Variants in SLC25A13 observed in about 807,000 individuals in gnomAD.
SLC25A13 encodes the protein electrogenic aspartate/glutamate antiporter SLC25A13, mitochondrial.
SLC25A13 carries 70 observed loss-of-function variants against 85.5 expected under a neutral mutation model. That is an observed-to-expected ratio of 0.82 (90% confidence interval 0.68 to 1.00). SLC25A13 has a LOEUF of 1.00. Among genes scored for constraint, SLC25A13 ranks in the 50% least tolerant of loss-of-function variants. The probability of loss-of-function intolerance (pLI) is 0.00; values close to 1 mark genes in which losing one functional copy is unlikely to be tolerated. For missense variants in SLC25A13, 765 were observed against 819.8 expected (o/e 0.93, Z 0.82); for synonymous variants, 259 against 288.7 (o/e 0.90, Z 1.04).
intron 4 of SLC25A13, among the ~76,000 whole-genome samples, chr7:96,231,584 C>T (rs749169355): frequency 3.3e-5 from 5 of 152,012 alleles, no homozygotes; most frequent in East Asian, 3.9e-4. Flanking sequence ...ATTAGCCAGA[C>T]GTGGTGGTGC....
intron 3 of SLC25A13, among the ~76,000 whole-genome samples, chr7:96,244,737 A>AAAT (rs1488210789): frequency 6.6e-6 from 1 of 152,066 alleles, no homozygotes; most frequent in Non-Finnish European, 1.5e-5. Flanking sequence ...TCTACTATGT[A>AAAT]CTCTGGTTCA....
In SLC25A13 at chr7:96,227,174, T is replaced by C. The variant is rs577813406; in HGVS notation, c.328+7628A>G. Among the ~76,000 whole-genome samples, 628 of 152,346 alleles carry C rather than the reference T, an allele frequency of 4.1e-3. 7 individuals carry two copies. The highest frequency in any genetic ancestry group is 0.014 in the African/African-American group (590 of 41,596). On this transcript the variant is annotated intron_variant, in intron 4 of 17. Coordinates refer to ENST00000265631, the MANE Select transcript of SLC25A13 (RefSeq NM_014251.3). ...TTGGCAGTAGTCCTATCTGCAAAATTGTACACATGCACCAGCATCTTTAGA... is the reference window on the plus strand; with the variant it reads ...TTGGCAGTAGTCCTATCTGCAAAATCGTACACATGCACCAGCATCTTTAGA...
At position 96,126,658 on chromosome 7, in the gene SLC25A13, T is replaced by G. The variant is rs148582155; in HGVS notation, c.1592-4661A>C. On this transcript the variant is annotated intron_variant, in intron 15 of 17. Transcript: ENST00000265631. ...TTAGAGGTAGTTTCTCCTGCTGTGTTTTGGACTGGGGCATCTCTCAGTCCA... is the reference window on the plus strand; with the variant it reads ...TTAGAGGTAGTTTCTCCTGCTGTGTGTTGGACTGGGGCATCTCTCAGTCCA... Among the ~76,000 whole-genome samples the G allele has an allele frequency of 8.2e-4, 125 of 152,350 alleles. 3 individuals carry two copies. The South Asian group carries it at 0.013, about 16-fold the overall frequency.
intron 9 of SLC25A13, 38 bp from the exon 10 acceptor site, chr7:96,185,049 A>C (rs1397707930): frequency 1.3e-6 from 2 of 1,548,270 alleles, no homozygotes; most frequent in Non-Finnish European, 1.8e-6. Flanking sequence ...GCAGGAAAAC[A>C]GGTGACAGAA....
rs1006007445 is a variant in SLC25A13 at position 96,236,603 on chromosome 7, T to G, written c.213-1686A>C. Among the ~76,000 whole-genome samples, 13 of 152,224 alleles carry G rather than the reference T, an allele frequency of 8.5e-5. 1 individual carries two copies. Among genetic ancestry groups the G allele is most frequent in the Non-Finnish European group, 1.5e-5 (1 of 68,030 alleles). ...ATTATCTACTTCAACCTCCTCATTT[T>G]ACTTGTGAGGAAACGGAAACTGGAA... On this transcript the variant is annotated intron_variant, in intron 3 of 17. Transcript: ENST00000265631.
intron 1 of SLC25A13, among the ~76,000 whole-genome samples, chr7:96,317,983 A>G (rs1036012605): frequency 3.3e-5 from 5 of 151,870 alleles, no homozygotes; most frequent in South Asian, 2.1e-4. Context: ...TCATTTTAGT[A>G]TTCTCAATTT....
At chr7:96,169,978 T>G in intron 13 of SLC25A13, 67 bp downstream of exon 13, 1 of 1,477,094 alleles carries the variant, frequency 6.8e-7, no homozygotes, top group Non-Finnish European at 9.5e-7. Flanking sequence ...CCACACCTGT[T>G]GACCATGGTA....
chr7:96,288,656 G>A (rs998917347), intron 2 of SLC25A13, among the ~76,000 whole-genome samples: 5 of 152,198 alleles, frequency 3.3e-5, no homozygotes, highest in South Asian at 2.1e-4. Context: ...CCACGCCCAC[G>A]GAGCCTCGCT....
intron 3 of SLC25A13, among the ~76,000 whole-genome samples, chr7:96,238,269 C>T (rs893126343): frequency 2.6e-5 from 4 of 152,092 alleles, no homozygotes; most frequent in African/African-American, 9.7e-5. Flanking sequence ...AAAGGTTGCC[C>T]GCCCACCACC....
chr7:96,128,659 A>G (rs1791835278), intron 15 of SLC25A13, among the ~76,000 whole-genome samples: 2 of 151,972 alleles, frequency 1.3e-5, no homozygotes, highest in South Asian at 2.1e-4. Context: ...TAAAACCTAG[A>G]TGATGGCTTG....
intron 4 of SLC25A13, 79 bp from the exon 5 acceptor site, chr7:96,209,056 C>A (rs913763531): frequency 3.6e-5 from 50 of 1,400,318 alleles, no homozygotes; most frequent in Non-Finnish European, 4.2e-5. Context: ...GAATGGATAT[C>A]GCTTTTTCTT....
intron 1 of SLC25A13, among the ~76,000 whole-genome samples, chr7:96,315,556 T>C (rs1800098608): frequency 6.6e-6 from 1 of 152,158 alleles, no homozygotes; most frequent in Admixed American, 6.5e-5. Flanking sequence ...GGGACAGGAC[T>C]GAGGAAGGAA....
intron 14 of SLC25A13, among the ~76,000 whole-genome samples, chr7:96,132,507 T>C (rs548591600): frequency 6.6e-6 from 1 of 152,294 alleles, no homozygotes; most frequent in South Asian, 2.1e-4. Context: ...ATAATTCGGA[T>C]ACATTTTAAA....
intron 4 of SLC25A13, among the ~76,000 whole-genome samples, chr7:96,224,412 C>T (rs1257991651): frequency 1.3e-5 from 2 of 152,114 alleles, no homozygotes; most frequent in African/African-American, 4.8e-5. Context: ...TGACAACCAC[C>T]CTCCCAAGTA....
chr7:96,271,657 G>A (rs960989534), intron 3 of SLC25A13, among the ~76,000 whole-genome samples: 13 of 151,814 alleles, frequency 8.6e-5, no homozygotes, highest in African/African-American at 3.1e-4. Context: ...AAACAAAGTC[G>A]GCCTTTCAAA....
At chr7:96,316,677 C>T (rs1800139556) in intron 1 of SLC25A13, among the ~76,000 whole-genome samples, 1 of 152,180 alleles carries the variant, frequency 6.6e-6, no homozygotes, top group Non-Finnish European at 1.5e-5. Flanking sequence ...ACAGAAAGCA[C>T]CTACTTCTTA....
intron 3 of SLC25A13, among the ~76,000 whole-genome samples, chr7:96,269,226 C>T (rs1362152156): frequency 1.3e-5 from 2 of 152,158 alleles, no homozygotes; most frequent in Non-Finnish European, 2.9e-5. Context: ...GAAGCTCCAA[C>T]ATGGAAGGCT....
intron 15 of SLC25A13, among the ~76,000 whole-genome samples, chr7:96,128,825 C>T (rs1791857161): frequency 1.3e-5 from 2 of 151,230 alleles, no homozygotes; most frequent in African/African-American, 4.9e-5. Context: ...GTAAGTGAGG[C>T]AGCCAGTTCC....
At chr7:96,297,046 G>A (rs1178960392) in intron 1 of SLC25A13, 95 bp from the exon 2 acceptor site, 11 of 1,151,750 alleles carry the variant, frequency 9.6e-6, no homozygotes, top group Non-Finnish European at 1.3e-5. Flanking sequence ...TTAAAAATTA[G>A]TGCATTTCAT....
Sources: gnomAD v4.1 joint callset for allele counts (sites outside exome capture counted in the v4.1 genomes callset) on GRCh38, gnomAD v4.1.1 for gene constraint, MANE v1.5 for transcripts, NCBI Gene and HGNC (gene_info 2026-07-23, HGNC 2026-07-21) for gene names.